DHX15: variants seen among roughly 807,000 people sequenced by gnomAD.
The protein encoded by DHX15 is DEAH-box helicase 15.
A neutral mutation model predicts 94.4 loss-of-function variants in DHX15; 11 were observed. The ratio of observed to expected loss-of-function variants is 0.12; its 90% confidence interval spans 0.07 to 0.19. DHX15 has a LOEUF of 0.19. Ranked by LOEUF, DHX15 falls within the 10% of genes least tolerant of loss-of-function variation. The pLI is 1.00. For missense variants in DHX15, 304 were observed against 988.5 expected, an observed-to-expected ratio of 0.31 and a Z score of 9.29; for synonymous variants, 338 against 329.9, an observed-to-expected ratio of 1.02 and a Z score of -0.27.
intron 2 of DHX15, among the ~76,000 whole-genome samples, chr4:24,573,920 G>A (rs1453320645): frequency 6.8e-6 from 1 of 146,972 alleles, no homozygotes; most frequent in Non-Finnish European, 1.5e-5. Flanking sequence ...TCATGGCCCG[G>A]TGCAGTGGCT....
chr4:24,575,257 T>C (rs116345970), intron 2 of DHX15, among the ~76,000 whole-genome samples: 2 of 152,102 alleles, frequency 1.3e-5, no homozygotes, highest in African/African-American at 4.8e-5. Context: ...AATGTCTCCA[T>C]GCACATGTAA....
intron 11 of DHX15, among the ~76,000 whole-genome samples, 188 bp downstream of exon 11, chr4:24,536,862 AT>A (rs1721209344): frequency 6.6e-6 from 1 of 152,228 alleles, no homozygotes; most frequent in African/African-American, 2.4e-5. Flanking sequence ...TCCCCTGATT[AT>A]AAACATAAAC....
intron 6 of DHX15, among the ~76,000 whole-genome samples, chr4:24,547,927 A>ATATATATC (rs1721477026): frequency 3.9e-5 from 4 of 102,960 alleles, no homozygotes; most frequent in East Asian, 3.4e-4. Flanking sequence ...ATATATATAT[A>ATATATATC]TATATATATA....
At chr4:24,557,897 G>A (rs1389169485) in intron 3 of DHX15, among the ~76,000 whole-genome samples, 2 of 151,154 alleles carry the variant, frequency 1.3e-5, no homozygotes, top group African/African-American at 4.9e-5. Context: ...CATGATCTCA[G>A]TAGCAGAACA....
chr4:24,550,147 T>C (rs79816970), intron 5 of DHX15, among the ~76,000 whole-genome samples: 1 of 111,584 alleles, frequency 9.0e-6, no homozygotes, highest in African/African-American at 3.4e-5. Flanking sequence ...TACACTCATA[T>C]AGGGCATCTG....
At chr4:24,539,638 G>C (rs1721265959) in intron 10 of DHX15, 1 of 152,136 alleles carries the variant, frequency 6.6e-6, no homozygotes, top group Non-Finnish European at 1.5e-5. Flanking sequence ...TTGATATGAA[G>C]TTTGAAATTC....
intron 1 of DHX15, among the ~76,000 whole-genome samples, chr4:24,577,537 C>T (rs1722300166): frequency 1.3e-5 from 2 of 152,068 alleles, no homozygotes; most frequent in South Asian, 4.1e-4. Context: ...TGAAACATAG[C>T]CAAATTAAAA....
Position 24,529,741 on chromosome 4 carries a change from G to C in DHX15, c.2130C>G (p.Tyr710Ter), listed in dbSNP as rs541107353. 1 of 1,614,210 alleles carries C rather than the reference G, an allele frequency of 6.2e-7. No homozygotes were observed. Among genetic ancestry groups the C allele is most frequent in the Non-Finnish European group, 8.5e-7 (1 of 1,180,034 alleles). ...CCACCTGGTTATCTTTCACAGTTAA[G>C]TAATGCCCTGTTCGTTCTAAATGTG... is the stretch of plus-strand genomic sequence containing the variant. The part of the protein sequence containing the change: ...QVAHLERTGH[Y>*]LTVKDNQVVQ... Residue 710 changes from tyrosine to a stop codon, truncating the protein, a stop_gained, in exon 13 of 14, where the codon TAC (tyrosine) becomes TAG (stop). Transcript: ENST00000336812. LOFTEE classifies it high-confidence loss of function.
chr4:24,554,135 G>A lies in DHX15; in HGVS notation c.1080+590C>T, dbSNP rs548765837. 4.5e-3 allele frequency among the ~76,000 whole-genome samples: 691 copies of A among 152,126 alleles called. 4 individuals carry two copies. Among genetic ancestry groups the A allele is most frequent in the Non-Finnish European group, 6.6e-3 (449 of 67,986 alleles). ...TGGGAGGCTGAGGCAGGAGAATGGCGTGAACCCAGAAGGCGGAGCTTGCGG... is the reference window on the plus strand; with the variant it reads ...TGGGAGGCTGAGGCAGGAGAATGGCATGAACCCAGAAGGCGGAGCTTGCGG... On this transcript the variant is annotated intron_variant, in intron 5 of 13. Transcript: ENST00000336812.
intron 3 of DHX15, among the ~76,000 whole-genome samples, chr4:24,557,039 A>G (rs1721753290): frequency 6.6e-6 from 1 of 152,202 alleles, no homozygotes; most frequent in African/African-American, 2.4e-5. Context: ...AGATAAAAAC[A>G]AATGACGTCA....
intron 3 of DHX15, among the ~76,000 whole-genome samples, chr4:24,556,721 C>T (rs1317882133): frequency 5.9e-5 from 9 of 152,276 alleles, no homozygotes; most frequent in East Asian, 1.9e-4. Flanking sequence ...AGGCAAAATT[C>T]GTCATTTTCA....
intron 5 of DHX15, among the ~76,000 whole-genome samples, chr4:24,550,110 A>C (rs1721558057): frequency 1.4e-5 from 2 of 147,110 alleles, no homozygotes; most frequent in Non-Finnish European, 3.0e-5. Context: ...AAAAAAAAAA[A>C]AAAAAAAAAA....
intron 3 of DHX15, among the ~76,000 whole-genome samples, chr4:24,569,359 G>A (rs1286659917): frequency 6.6e-6 from 1 of 152,110 alleles, no homozygotes; most frequent in East Asian, 1.9e-4. Flanking sequence ...GTGGGAGGCT[G>A]AGGCGGGCGG....
At chr4:24,547,948 T>TACACA (rs1560766029) in intron 6 of DHX15, among the ~76,000 whole-genome samples, 57 of 31,160 alleles carry the variant, frequency 1.8e-3, no homozygotes, top group African/African-American at 3.1e-3. Context: ...TATATCTATA[T>TACACA]CTATATCTAT....
chr4:24,584,330 T>A lies in DHX15; in HGVS notation c.64A>T (p.Thr22Ser). 1 of 1,612,476 alleles carries A rather than the reference T, an allele frequency of 6.2e-7. No homozygotes were observed. Among genetic ancestry groups the A allele is most frequent in the Non-Finnish European group, 8.5e-7 (1 of 1,179,514 alleles). The stretch of plus-strand genomic sequence containing the variant: ...GCCCCCGGCCTGGCTTACCCATCGG[T>A]CCCCGCACGCTTCTTGCCAGAGGGG... ...DYPSGKKRAG[T>S]DGKDRDRDRD... The change falls in exon 1 of 14, where the codon ACC (threonine) becomes TCC (serine). Residue 22 changes from threonine (T) to serine (S), a missense_variant. Coordinates refer to ENST00000336812, the MANE Select transcript of DHX15 (RefSeq NM_001358.3).
intron 2 of DHX15, among the ~76,000 whole-genome samples, chr4:24,575,496 TTTTCACCTATTGGA>T (rs1722237411): frequency 6.6e-6 from 1 of 152,214 alleles, no homozygotes; most frequent in South Asian, 2.1e-4. Context: ...AGAATGCAAT[TTTTCACCTATTGGA>T]TTTGTAAAAA....
chr4:24,555,019 T>G (rs1264661783), intron 4 of DHX15, 76 bp from the exon 5 acceptor site: 1 of 1,096,152 alleles, frequency 9.1e-7, no homozygotes, highest in Non-Finnish European at 1.3e-6. Flanking sequence ...CAATATTTAC[T>G]ATTCTACATA....
chr4:24,558,260 C>T (rs1331115714), intron 3 of DHX15, among the ~76,000 whole-genome samples: 2 of 152,118 alleles, frequency 1.3e-5, no homozygotes, highest in South Asian at 2.1e-4. Context: ...ACTACAAGAC[C>T]TCAGTAGATT....
chr4:24,533,208 C>G, intron 11 of DHX15, 154 bp from the exon 12 acceptor site: 2 of 681,860 alleles, frequency 2.9e-6, no homozygotes, highest in South Asian at 1.7e-5. Flanking sequence ...GCAATGTTAC[C>G]AACTTTCTCA....
Sources: gnomAD v4.1 joint callset for allele counts (sites outside exome capture counted in the v4.1 genomes callset) on GRCh38, gnomAD v4.1.1 for gene constraint, MANE v1.5 for transcripts, NCBI Gene and HGNC (gene_info 2026-07-23, HGNC 2026-07-21) for gene names.